The following HPSE2 variants were observed in gnomAD, a reference collection of about 807,000 sequenced individuals.
The protein encoded by HPSE2 is inactive heparanase-2.
In HPSE2, 38 loss-of-function variants were observed where a neutral mutation model predicts 60.5. That is an observed-to-expected ratio of 0.63 (90% CI 0.48 to 0.82). The LOEUF (loss-of-function observed/expected upper bound fraction) is 0.82, where lower values mean the gene tolerates loss of function less well. Among genes scored for constraint, HPSE2 ranks in the 40% least tolerant of loss-of-function variants. HPSE2 has a pLI of 0.00. For synonymous variants in HPSE2, 295 were observed against 293.2 expected (o/e 1.01, Z -0.06); for missense variants, 713 against 740.4 (o/e 0.96, Z 0.43).
At chr10:98,776,785 G>A (rs1950350075) in intron 3 of HPSE2, among the ~76,000 whole-genome samples, 1 of 151,194 alleles carries the variant, frequency 6.6e-6, no homozygotes, top group African/African-American at 2.4e-5. Flanking sequence ...GGAAAAATTA[G>A]TATACAAACT....
At chr10:98,598,852 G>A (rs761956261) in intron 9 of HPSE2, among the ~76,000 whole-genome samples, 17 of 151,964 alleles carry the variant, frequency 1.1e-4, no homozygotes, top group African/African-American at 3.4e-4. Context: ...TAGAGCCTGC[G>A]ATCATGGGTA....
intron 6 of HPSE2, among the ~76,000 whole-genome samples, chr10:98,686,217 G>A (rs367818335): frequency 6.6e-6 from 1 of 151,912 alleles, no homozygotes; most frequent in Non-Finnish European, 1.5e-5. Flanking sequence ...TCTTTTAATA[G>A]CTTCTTCAGA....
chr10:99,218,696 CA>C (rs1564902300), intron 2 of HPSE2, among the ~76,000 whole-genome samples: 1 of 152,176 alleles, frequency 6.6e-6, no homozygotes, highest in Non-Finnish European at 1.5e-5. Flanking sequence ...GACTTTTGGA[CA>C]GGGGTGCCAT....
At chr10:98,879,848 T>TGTGC (rs1554835520) in intron 3 of HPSE2, among the ~76,000 whole-genome samples, 19 of 106,006 alleles carry the variant, frequency 1.8e-4, no homozygotes, top group Non-Finnish European at 3.1e-4. Context: ...TTGGTGTGCA[T>TGTGC]GTGCGTGTGT....
intron 3 of HPSE2, among the ~76,000 whole-genome samples, chr10:99,009,716 A>G (rs1956970393): frequency 6.6e-6 from 1 of 152,220 alleles, no homozygotes; most frequent in African/African-American, 2.4e-5. Flanking sequence ...AGTGATTCAC[A>G]TACTTAGGGA....
intron 3 of HPSE2, among the ~76,000 whole-genome samples, chr10:98,939,965 C>A (rs1351999266): frequency 7.0e-6 from 1 of 143,664 alleles, no homozygotes; most frequent in Non-Finnish European, 1.5e-5. Flanking sequence ...AACTGAACAA[C>A]CTGCTCCTGA....
chr10:98,797,615 G>A (rs1008374547), intron 3 of HPSE2, among the ~76,000 whole-genome samples: 2 of 151,956 alleles, frequency 1.3e-5, no homozygotes, highest in South Asian at 2.1e-4. Context: ...AGGCCGAGGC[G>A]GGCAGATCAC....
intron 3 of HPSE2, among the ~76,000 whole-genome samples, chr10:98,988,842 A>T (rs1368194452): frequency 7.4e-6 from 1 of 134,904 alleles, no homozygotes; most frequent in Non-Finnish European, 1.6e-5. Context: ...AAAGGACATG[A>T]ACAGACACTT....
At chr10:99,239,027 T>C (rs529495177), upstream of HPSE2, among the ~76,000 whole-genome samples, 3 of 152,022 alleles carry the variant, frequency 2.0e-5, no homozygotes, top group Non-Finnish European at 4.4e-5. Flanking sequence ...GGCATGGTGG[T>C]GGGCACTTGT....
chr10:99,071,454 C>A (rs1214394929), intron 3 of HPSE2, among the ~76,000 whole-genome samples: 1 of 152,158 alleles, frequency 6.6e-6, no homozygotes, highest in African/African-American at 2.4e-5. Flanking sequence ...ACAAGGGTTC[C>A]AATTTCTACA....
intron 2 of HPSE2, among the ~76,000 whole-genome samples, chr10:99,200,031 T>G (rs1848523123): frequency 3.3e-5 from 5 of 152,162 alleles, no homozygotes. Flanking sequence ...TTTTACCCTC[T>G]TTGATGCTAT....
At chr10:98,845,837 G>A (rs1246367334) in intron 3 of HPSE2, among the ~76,000 whole-genome samples, 1 of 152,162 alleles carries the variant, frequency 6.6e-6, no homozygotes, top group African/African-American at 2.4e-5. Flanking sequence ...GAAGGCAGCT[G>A]GAGTCTTTAG....
intron 3 of HPSE2, among the ~76,000 whole-genome samples, chr10:98,985,769 T>C (rs911623187): frequency 2.6e-5 from 4 of 151,908 alleles, no homozygotes; most frequent in African/African-American, 7.3e-5. Context: ...GAGACACACA[T>C]AGGCACAAAA....
At chr10:98,845,941 C>A (rs2134710824) in intron 3 of HPSE2, among the ~76,000 whole-genome samples, 1 of 152,312 alleles carries the variant, frequency 6.6e-6, no homozygotes, top group East Asian at 1.9e-4. Context: ...AATAGGAATT[C>A]TTTTCCATTC....
rs144943550 is a variant in HPSE2 at position 98,866,608 on chromosome 10, A to C, written c.611-122552T>G. ...AATAAACAGAAAATATTAAATGTAG[A>C]CAGAGAAGAAAAACACATTACCTAC... On this transcript the variant is annotated intron_variant, in intron 3 of 11. Coordinates refer to ENST00000370552, the MANE Select transcript of HPSE2 (RefSeq NM_021828.5). Among the ~76,000 whole-genome samples, 116 of 152,218 alleles carry C rather than the reference A, an allele frequency of 7.6e-4. 1 individual carries two copies. The highest frequency in any genetic ancestry group is 2.7e-3 in the African/African-American group (112 of 41,566).
chr10:98,863,066 C>T (rs1348211568), intron 3 of HPSE2, among the ~76,000 whole-genome samples: 1 of 152,080 alleles, frequency 6.6e-6, no homozygotes, highest in Non-Finnish European at 1.5e-5. Context: ...GCAAGGCCAA[C>T]AATGTAGTTT....
At chr10:98,781,306 T>TTTTTTTTTTTG (rs66481971) in intron 3 of HPSE2, among the ~76,000 whole-genome samples, 1 of 120,104 alleles carries the variant, frequency 8.3e-6, no homozygotes, top group Non-Finnish European at 1.7e-5. Flanking sequence ...TTTTTTTTTT[T>TTTTTTTTTTTG]ATTTTTAAAT....
chr10:98,983,857 G>A (rs1046796078), intron 3 of HPSE2, among the ~76,000 whole-genome samples: 2 of 152,176 alleles, frequency 1.3e-5, no homozygotes, highest in Non-Finnish European at 2.9e-5. Context: ...CCTGCGCCTG[G>A]CTCGGAGGGA....
intron 3 of HPSE2, among the ~76,000 whole-genome samples, chr10:99,109,979 T>A (rs1844396845): frequency 6.6e-6 from 1 of 152,162 alleles, no homozygotes; most frequent in African/African-American, 2.4e-5. Context: ...ATAAAAATTA[T>A]TTAAGGAAGG....
Sources: gnomAD v4.1 joint callset for allele counts (sites outside exome capture counted in the v4.1 genomes callset) on GRCh38, gnomAD v4.1.1 for gene constraint, MANE v1.5 for transcripts, NCBI Gene and HGNC (gene_info 2026-07-23, HGNC 2026-07-21) for gene names.